The following AFG1L variants were observed in gnomAD, a reference collection of about 807,000 sequenced individuals.
AFG1L encodes the protein AFG1-like ATPase.
In AFG1L, 53 loss-of-function variants were observed where a neutral mutation model predicts 62.2. That is an observed-to-expected ratio of 0.85 (90% CI 0.68 to 1.07). The LOEUF (loss-of-function observed/expected upper bound fraction) is 1.07. Ranked by LOEUF, AFG1L falls within the 50% of genes least tolerant of loss-of-function variation. The pLI, the probability that AFG1L is intolerant of heterozygous loss-of-function variation, is 0.00. For synonymous variants in AFG1L, 228 were observed against 210.3 expected (o/e 1.08, Z -0.73); for missense variants, 555 against 590.5 (o/e 0.94, Z 0.62).
intron 7 of AFG1L, among the ~76,000 whole-genome samples, chr6:108,441,668 A>G (rs2114736962): frequency 6.7e-6 from 1 of 150,302 alleles, no homozygotes; most frequent in Non-Finnish European, 1.5e-5. Flanking sequence ...AATCTAGCGT[A>G]AGTGAATGAA....
At chr6:108,453,506 T>C (rs1226022563) in intron 8 of AFG1L, among the ~76,000 whole-genome samples, 2 of 152,196 alleles carry the variant, frequency 1.3e-5, no homozygotes, top group Admixed American at 1.3e-4. Flanking sequence ...GACACACAGC[T>C]TCAAGGTTAT....
chr6:108,466,731 A>G (rs1252537977), intron 8 of AFG1L, among the ~76,000 whole-genome samples: 1 of 148,250 alleles, frequency 6.7e-6, no homozygotes, highest in Non-Finnish European at 1.5e-5. Flanking sequence ...AAAATTATAT[A>G]TATATATTTT....
intron 6 of AFG1L, among the ~76,000 whole-genome samples, chr6:108,373,764 G>T (rs1226586688): frequency 2.0e-5 from 3 of 149,520 alleles, no homozygotes; most frequent in Middle Eastern, 3.2e-3. Flanking sequence ...TTTAGTAGAA[G>T]ATGGGGTTTC....
At chr6:108,457,250 C>G (rs750059760) in intron 8 of AFG1L, among the ~76,000 whole-genome samples, 17 of 151,984 alleles carry the variant, frequency 1.1e-4, no homozygotes, top group East Asian at 1.9e-4. Flanking sequence ...CCCATCTGTT[C>G]TTTTTTCCAA....
At position 108,524,637 on chromosome 6, in the gene AFG1L, C is replaced by G. The variant is rs1282841599; in HGVS notation, c.*2212C>G. On this transcript the variant is annotated 3_prime_UTR_variant, in exon 13 of 13. Transcript: ENST00000368977. ...GGAGCATGTGCCCACTTCTGTGCCC[C>G]CAATCCGCAATCTCCTTCCCCAGTT... 1 of 152,204 alleles carries G rather than the reference C, an allele frequency of 6.6e-6. No individual in the cohort carries two copies. Among genetic ancestry groups the G allele is most frequent in the East Asian group, 1.9e-4 (1 of 5,194 alleles). 9.4% of individuals were successfully genotyped at this position (152,204 alleles called of 1,614,324 possible).
At chr6:108,349,317 C>T (rs943024592) in intron 3 of AFG1L, among the ~76,000 whole-genome samples, 5 of 151,898 alleles carry the variant, frequency 3.3e-5, no homozygotes, top group Non-Finnish European at 5.9e-5. Context: ...AACCCTGTCT[C>T]CACAAAAAAT....
At chr6:108,344,931 C>T (rs1201192962) in intron 2 of AFG1L, 3 of 384,106 alleles carry the variant, frequency 7.8e-6, no homozygotes, top group African/African-American at 6.4e-5. Flanking sequence ...GACCTGACTG[C>T]TTTCCTGACC....
At chr6:108,508,732 T>C (rs1397312231) in intron 10 of AFG1L, among the ~76,000 whole-genome samples, 2 of 152,186 alleles carry the variant, frequency 1.3e-5, no homozygotes, top group Non-Finnish European at 2.9e-5. Flanking sequence ...AGCTGGTTGG[T>C]AGGAGAGTGG....
Position 108,475,616 on chromosome 6 carries a change from G to A in AFG1L, c.891-1249G>A, listed in dbSNP as rs527354696. 2.2e-4 allele frequency among the ~76,000 whole-genome samples: 34 copies of A among 152,216 alleles called. 1 individual carries two copies. The highest frequency in any genetic ancestry group is 8.2e-4 in the African/African-American group (34 of 41,538). ...ACCACTCTATTTGAATATGACACTA[G>A]ACCTCATGGAAGTCAAATAGCATTT... On this transcript the variant is annotated intron_variant, in intron 8 of 12. Coordinates refer to ENST00000368977, the MANE Select transcript of AFG1L (RefSeq NM_145315.5).
Position 108,522,344 on chromosome 6 carries a change from T to G in AFG1L, c.1365T>G (p.Phe455Leu), listed in dbSNP as rs143107973. 2,356 of 1,613,974 alleles carry G rather than the reference T, an allele frequency of 1.5e-3. 3 individuals carry two copies. Among genetic ancestry groups the G allele is most frequent in the South Asian group, 2.6e-3 (234 of 91,086 alleles). ...LSMFTGEEEIFAFQRTISRLT... is the reference protein window; with the variant it reads ...LSMFTGEEEILAFQRTISRLT... Reference sequence around the variant, plus strand: ...TGTTTACCGGAGAAGAGGAAATCTTTGCATTTCAGCGCACAATTTCCCGAC... The same window carrying G: ...TGTTTACCGGAGAAGAGGAAATCTTGGCATTTCAGCGCACAATTTCCCGAC... The change falls in exon 13 of 13, where the codon TTT becomes TTG. Residue 455 changes from phenylalanine to leucine, a missense_variant. By Grantham distance (22) the Phe-to-Leu change is conservative (BLOSUM62 0). Coordinates refer to ENST00000368977, the MANE Select transcript of AFG1L (RefSeq NM_145315.5).
intron 1 of AFG1L, among the ~76,000 whole-genome samples, chr6:108,307,214 A>G (rs1189551366): frequency 1.3e-5 from 2 of 151,438 alleles, no homozygotes; most frequent in African/African-American, 2.4e-5. Context: ...GGGTTTCACA[A>G]TGTTGGCCAG....
At chr6:108,494,915 C>T (rs112273572) in intron 10 of AFG1L, among the ~76,000 whole-genome samples, 170 of 151,770 alleles carry the variant, frequency 1.1e-3, no homozygotes, top group Non-Finnish European at 1.7e-3. Flanking sequence ...GGATTACAGG[C>T]GTGCACCACC....
At chr6:108,356,380 A>G (rs1779287139) in intron 4 of AFG1L, among the ~76,000 whole-genome samples, 1 of 152,226 alleles carries the variant, frequency 6.6e-6, no homozygotes, top group South Asian at 2.1e-4. Flanking sequence ...TCCCTGAAAT[A>G]AAGGACTAAG....
At chr6:108,343,154 T>G (rs947794827) in intron 2 of AFG1L, among the ~76,000 whole-genome samples, 1 of 151,828 alleles carries the variant, frequency 6.6e-6, no homozygotes, top group South Asian at 2.1e-4. Flanking sequence ...AACCTCTGCC[T>G]CCCTGGTTCA....
intron 2 of AFG1L, among the ~76,000 whole-genome samples, chr6:108,334,418 G>A (rs745680042): frequency 6.6e-6 from 1 of 151,978 alleles, no homozygotes; most frequent in East Asian, 1.9e-4. Flanking sequence ...GGGGCCGGGT[G>A]TGGTGCGTCA....
At position 108,477,283 on chromosome 6, in the gene AFG1L, G is replaced by C. The variant is rs1417270380; in HGVS notation, c.1053G>C (p.Leu351=). 1 of 1,599,038 alleles carries C rather than the reference G, an allele frequency of 6.3e-7. No homozygotes were observed. Among genetic ancestry groups the C allele is most frequent in the Non-Finnish European group, 8.6e-7 (1 of 1,169,582 alleles). The part of the protein sequence containing the change: ...GTVADCTFEE[L]CERPLGASDY... ...TTGCCGACTGCACATTTGAAGAGCT[G>C]TGTGAGAGAGTAAGTATCCAGGCAC... The change falls in exon 10 of 13, where the codon CTG becomes CTC. Residue 351 remains leucine, a synonymous_variant. Transcript: ENST00000368977.
intron 1 of AFG1L, among the ~76,000 whole-genome samples, chr6:108,298,260 A>ATTTTTTTTTTTTTTTTTTTTTTTTTTT (rs779200181): frequency 8.2e-6 from 1 of 121,502 alleles, no homozygotes. Flanking sequence ...GAGGGGAAGA[A>ATTTTTTTTTTTTTTTTTTTTTTTTTTT]TTTTTTTTTT....
At chr6:108,519,552 A>G in intron 11 of AFG1L, 145 bp from the exon 12 acceptor site, 1 of 565,700 alleles carries the variant, frequency 1.8e-6, no homozygotes, top group Middle Eastern at 5.0e-4. Flanking sequence ...AGAGATAAAC[A>G]ATTAGGGAAA....
chr6:108,508,064 A>G (rs927279337), intron 10 of AFG1L, among the ~76,000 whole-genome samples: 3 of 152,200 alleles, frequency 2.0e-5, no homozygotes, highest in Non-Finnish European at 2.9e-5. Flanking sequence ...CACTTTGCAT[A>G]TATTACTTTG....
Sources: gnomAD v4.1 joint callset for allele counts (sites outside exome capture counted in the v4.1 genomes callset) on GRCh38, gnomAD v4.1.1 for gene constraint, MANE v1.5 for transcripts, NCBI Gene and HGNC (gene_info 2026-07-23, HGNC 2026-07-21) for gene names.